CEP76: variants seen among roughly 807,000 people sequenced by gnomAD.
The protein encoded by CEP76 is centrosomal protein of 76 kDa.
Under a neutral mutation model 83.3 loss-of-function variants are expected in CEP76, and 55 were observed. The observed-to-expected ratio is 0.66, with a 90% CI of 0.53 to 0.83. The LOEUF (loss-of-function observed/expected upper bound fraction) is 0.83. Ranked by LOEUF, CEP76 falls within the 40% of genes least tolerant of loss-of-function variation. The pLI, the probability that CEP76 is intolerant of heterozygous loss-of-function variation, is 0.00. For missense variants in CEP76, 694 were observed against 799.5 expected (o/e 0.87, Z 1.59); for synonymous variants, 270 against 274.5 (o/e 0.98, Z 0.16).
In CEP76 at chr18:12,678,385, T is replaced by C. The variant is rs2039220747; in HGVS notation, c.1347A>G (p.Pro449=). Residue 449 remains proline, a synonymous_variant, in exon 10 of 12, where the codon CCA becomes CCG. Transcript: ENST00000262127. Reference sequence around the variant, plus strand: ...AACCAATTGTTCGATATGGGTACAGTGGTTTGGGCTGTTCAGCAACTGGAG... The same window carrying C: ...AACCAATTGTTCGATATGGGTACAGCGGTTTGGGCTGTTCAGCAACTGGAG... ...DEPPVAEQPK[P]LYPYRTIGCV... 1.2e-6 allele frequency: 2 copies of C among 1,614,036 alleles called. No homozygotes were observed. Among genetic ancestry groups the C allele is most frequent in the South Asian group, 1.1e-5 (1 of 91,084 alleles).
At chr18:12,667,718 G>A (rs1322109164), downstream of CEP76, among the ~76,000 whole-genome samples, 1 of 145,842 alleles carries the variant, frequency 6.9e-6, no homozygotes, top group Non-Finnish European at 1.5e-5. Flanking sequence ...CCAAGATCGT[G>A]CCACTGCACT....
chr18:12,678,653 C>T (rs1385932087), intron 9 of CEP76, among the ~76,000 whole-genome samples: 1 of 152,024 alleles, frequency 6.6e-6, no homozygotes, highest in Admixed American at 6.6e-5. Flanking sequence ...CTGTTAACAA[C>T]AGAATACATT....
chr18:12,699,230 G>C (rs772028427), intron 3 of CEP76, 27 bp from the exon 4 acceptor site: 12 of 1,437,208 alleles, frequency 8.3e-6, no homozygotes, highest in Non-Finnish European at 1.1e-5. Flanking sequence ...TATATATGAG[G>C]AAACTGCCAA....
intron 7 of CEP76, among the ~76,000 whole-genome samples, chr18:12,689,989 A>G (rs570464278): frequency 2.0e-5 from 3 of 152,296 alleles, no homozygotes; most frequent in African/African-American, 7.2e-5. Context: ...AGGTTTCGCC[A>G]TGTTGGCCAG....
intron 4 of CEP76, among the ~76,000 whole-genome samples, chr18:12,698,375 G>C (rs939060561): frequency 2.0e-5 from 3 of 152,066 alleles, no homozygotes; most frequent in Non-Finnish European, 2.9e-5. Flanking sequence ...CGACATGTTG[G>C]CTAGGCTGGT....
chr18:12,666,275 G>A (rs766875209), intron 12 of CEP76, among the ~76,000 whole-genome samples: 2 of 151,998 alleles, frequency 1.3e-5, no homozygotes, highest in Admixed American at 6.6e-5. Context: ...TTAAAAGTGA[G>A]CTGTGATCAC....
At chr18:12,665,909 C>A (rs958207381) in intron 12 of CEP76, among the ~76,000 whole-genome samples, 1 of 152,144 alleles carries the variant, frequency 6.6e-6, no homozygotes, top group Non-Finnish European at 1.5e-5. Context: ...GTTGGCCAGG[C>A]TGGTCTTGAA....
chr18:12,690,101 A>G (rs2039699438), intron 7 of CEP76, among the ~76,000 whole-genome samples: 1 of 151,982 alleles, frequency 6.6e-6, no homozygotes, highest in Admixed American at 6.6e-5. Context: ...GAAGCCAGTT[A>G]CATTTTGATT....
At chr18:12,695,396 T>A in intron 5 of CEP76, 45 bp from the exon 6 acceptor site, 1 of 937,328 alleles carries the variant, frequency 1.1e-6, no homozygotes, top group African/African-American at 1.7e-5. Context: ...CAATACTATA[T>A]ATATTTAGTC....
rs369087827 is a variant in CEP76, at chr18:12,702,538, G to A, written c.11C>T (p.Pro4Leu). 1 of 1,607,034 alleles carries A rather than the reference G, an allele frequency of 6.2e-7. No homozygotes were observed. ...CTTCAGCTCGGAGGCTTTCTCCGGAGGCAGCGACATGCTGGCAGCCGGCGT... is the reference window on the plus strand; with the variant it reads ...CTTCAGCTCGGAGGCTTTCTCCGGAAGCAGCGACATGCTGGCAGCCGGCGT... MSL[P>L]PEKASELKQL... Residue 4 changes from proline (P) to leucine (L), a missense_variant, in exon 1 of 12, where the codon CCT (proline) becomes CTT (leucine). Physicochemically the swap from Pro to Leu is moderately conservative, Grantham distance 98 (BLOSUM62 -3). Coordinates refer to ENST00000262127, the MANE Select transcript of CEP76 (RefSeq NM_024899.4).
chr18:12,702,399 G>C, intron 1 of CEP76, 87 bp downstream of exon 1: 1 of 1,007,954 alleles, frequency 9.9e-7, no homozygotes, highest in Middle Eastern at 2.8e-4. Flanking sequence ...CCGGCAAGCA[G>C]ATGCCGCTGT....
At chr18:12,681,136 TG>T (rs1369410548) in intron 8 of CEP76, among the ~76,000 whole-genome samples, 1 of 150,382 alleles carries the variant, frequency 6.6e-6, no homozygotes, top group African/African-American at 2.5e-5. Context: ...AGGCGGAGGT[TG>T]CAGTGAGCTA....
At chr18:12,700,618 C>T (rs1789889452) in intron 2 of CEP76, among the ~76,000 whole-genome samples, 1 of 152,064 alleles carries the variant, frequency 6.6e-6, no homozygotes, top group African/African-American at 2.4e-5. Flanking sequence ...TACGCTTAAT[C>T]TAAAAAAGTT....
intron 7 of CEP76, among the ~76,000 whole-genome samples, chr18:12,690,570 C>G (rs1027188334): frequency 6.6e-6 from 1 of 152,046 alleles, no homozygotes; most frequent in Non-Finnish European, 1.5e-5. Flanking sequence ...ATTCTCCTGC[C>G]TCAGCCTCCC....
intron 4 of CEP76, 62 bp downstream of exon 4, chr18:12,698,916 GT>G (rs1174843309): frequency 8.3e-7 from 1 of 1,198,766 alleles, no homozygotes; most frequent in Non-Finnish European, 1.2e-6. Flanking sequence ...CATTATTATT[GT>G]TTCACAATAA....
chr18:12,672,539 A>AT (rs1231696411), downstream of CEP76: 14 of 486,332 alleles, frequency 2.9e-5, no homozygotes, highest in Admixed American at 1.4e-4. Context: ...ATATATGCTG[A>AT]TTTTTTTATC....
intron 7 of CEP76, among the ~76,000 whole-genome samples, chr18:12,688,228 CAA>C (rs11337170): frequency 1.1e-3 from 104 of 94,000 alleles, no homozygotes; most frequent in African/African-American, 2.7e-3. Flanking sequence ...GACTCCATCT[CAA>C]AAAAAAAAAA....
At chr18:12,696,259 C>T (rs558641348) in intron 5 of CEP76, among the ~76,000 whole-genome samples, 3 of 152,210 alleles carry the variant, frequency 2.0e-5, no homozygotes, top group South Asian at 4.2e-4. Flanking sequence ...TATCCCAGCA[C>T]TTTGGGAGGC....
intron 8 of CEP76, among the ~76,000 whole-genome samples, chr18:12,682,369 T>C (rs1414441136): frequency 6.6e-6 from 1 of 152,092 alleles, no homozygotes; most frequent in Admixed American, 6.5e-5. Flanking sequence ...TTTGTGTTTT[T>C]GTAGAGACAA....
Sources: gnomAD v4.1 joint callset for allele counts (sites outside exome capture counted in the v4.1 genomes callset) on GRCh38, gnomAD v4.1.1 for gene constraint, MANE v1.5 for transcripts, NCBI Gene and HGNC (gene_info 2026-07-23, HGNC 2026-07-21) for gene names.